Variants in CDH8 observed in about 807,000 individuals in gnomAD.
The protein encoded by CDH8 is cadherin 8.
In CDH8, 17 loss-of-function variants were observed where a neutral mutation model predicts 68.1. The observed-to-expected ratio is 0.25, with a 90% confidence interval of 0.17 to 0.37. CDH8 has a LOEUF of 0.37. Among genes scored for constraint, CDH8 ranks in the 10% least tolerant of loss-of-function variants. The probability of loss-of-function intolerance (pLI) is 1.00; values close to 1 mark genes in which losing one functional copy is unlikely to be tolerated. For synonymous variants in CDH8, 372 were observed against 365.1 expected (o/e 1.02, Z -0.21); for missense variants, 763 against 999.3 (o/e 0.76, Z 3.19).
chr16:61,678,146 C>A (rs1963948530), intron 10 of CDH8, among the ~76,000 whole-genome samples: 1 of 152,034 alleles, frequency 6.6e-6, no homozygotes, highest in Non-Finnish European at 1.5e-5. Context: ...GCTCCCCAAC[C>A]AACACCCTTC....
chr16:61,843,607 T>A (rs1317960244), intron 4 of CDH8, among the ~76,000 whole-genome samples: 1 of 152,212 alleles, frequency 6.6e-6, no homozygotes, highest in East Asian at 1.9e-4. Flanking sequence ...TGCTTCAAAC[T>A]TGAATCCTCT....
At chr16:61,703,670 C>T (rs957350241) in intron 10 of CDH8, among the ~76,000 whole-genome samples, 2 of 152,058 alleles carry the variant, frequency 1.3e-5, no homozygotes, top group African/African-American at 4.8e-5. Context: ...GAAACGCCGT[C>T]TCTACCAAAA....
At chr16:61,885,054 A>G (rs1427718239) in intron 3 of CDH8, among the ~76,000 whole-genome samples, 1 of 152,228 alleles carries the variant, frequency 6.6e-6, no homozygotes, top group Non-Finnish European at 1.5e-5. Flanking sequence ...GATTCATTTA[A>G]ATGTCCTGTA....
At chr16:61,771,764 T>C (rs1364577568) in intron 8 of CDH8, among the ~76,000 whole-genome samples, 1 of 152,036 alleles carries the variant, frequency 6.6e-6, no homozygotes, top group Non-Finnish European at 1.5e-5. Flanking sequence ...CAGCTTTTTA[T>C]TGAATACTAT....
intron 10 of CDH8, among the ~76,000 whole-genome samples, chr16:61,675,627 TAA>T (rs201984187): frequency 6.9e-5 from 3 of 43,652 alleles, no homozygotes; most frequent in South Asian, 5.3e-4. Flanking sequence ...ATAAAAAAAA[TAA>T]AAAAAAATAA....
intron 2 of CDH8, among the ~76,000 whole-genome samples, chr16:61,904,055 G>A (rs1411196927): frequency 6.6e-6 from 1 of 151,924 alleles, no homozygotes; most frequent in African/African-American, 2.4e-5. Context: ...GATAATCTCA[G>A]AACACAATAT....
At chr16:62,005,470 G>T (rs1965959258) in intron 2 of CDH8, among the ~76,000 whole-genome samples, 1 of 149,760 alleles carries the variant, frequency 6.7e-6, no homozygotes, top group Non-Finnish European at 1.5e-5. Flanking sequence ...GGGTGCTGTG[G>T]CTCACGCCTG....
chr16:61,751,160 A>G (rs1229741698), intron 8 of CDH8, among the ~76,000 whole-genome samples: 2 of 152,042 alleles, frequency 1.3e-5, no homozygotes, highest in Non-Finnish European at 2.9e-5. Context: ...CTGAAGTCAA[A>G]CAATTAATAA....
At chr16:61,755,289 G>A (rs908174788) in intron 8 of CDH8, among the ~76,000 whole-genome samples, 6 of 152,056 alleles carry the variant, frequency 3.9e-5, no homozygotes, top group East Asian at 1.9e-4. Flanking sequence ...ATTAACATAC[G>A]GAATAATCAG....
chr16:61,885,630 A>G (rs1459029704), intron 3 of CDH8, among the ~76,000 whole-genome samples: 1 of 152,032 alleles, frequency 6.6e-6, no homozygotes, highest in Non-Finnish European at 1.5e-5. Context: ...CATATACATA[A>G]ACGTGTGGGA....
rs1385952323 is a variant in CDH8, at chr16:61,959,984, G to GTGTATATATATATATA, written c.253-58512_253-58511insTATATATATATATACA. ...GTATGTGGTGTATGTGTGTGTGTGT[G>GTGTATATATATATATA]TATATATATATATATATATATATAT... On this transcript the variant is annotated intron_variant, in intron 2 of 11. Transcript: ENST00000577390. Among the ~76,000 whole-genome samples, 38 of 44,530 alleles carry GTGTATATATATATATA rather than the reference G, an allele frequency of 8.5e-4. 1 individual carries two copies. Among genetic ancestry groups the GTGTATATATATATATA allele is most frequent in the East Asian group, 4.6e-3 (4 of 876 alleles). The allele number at this position is 44,530 out of a possible 152,430, so 29.2% of individuals were successfully genotyped here.
intron 2 of CDH8, among the ~76,000 whole-genome samples, chr16:61,988,389 G>C (rs965705237): frequency 2.6e-5 from 4 of 152,168 alleles, no homozygotes; most frequent in African/African-American, 7.2e-5. Context: ...TATTCACCTA[G>C]TGGCATATAC....
At chr16:61,738,400 C>T (rs891753370) in intron 8 of CDH8, among the ~76,000 whole-genome samples, 1 of 152,068 alleles carries the variant, frequency 6.6e-6, no homozygotes, top group African/African-American at 2.4e-5. Context: ...TCCTACGTAT[C>T]TACAATGAAC....
At chr16:61,921,856 C>T (rs1171459752) in intron 2 of CDH8, among the ~76,000 whole-genome samples, 1 of 152,096 alleles carries the variant, frequency 6.6e-6, no homozygotes, top group African/African-American at 2.4e-5. Flanking sequence ...ATGGTGAAAC[C>T]CCATCTCTAC....
intron 4 of CDH8, among the ~76,000 whole-genome samples, chr16:61,845,155 T>C (rs1029242068): frequency 2.0e-5 from 3 of 152,166 alleles, no homozygotes; most frequent in African/African-American, 7.2e-5. Context: ...GTCTTTTCTA[T>C]CATTATAATT....
At chr16:61,659,521 G>A (rs1249302646) in intron 10 of CDH8, among the ~76,000 whole-genome samples, 4 of 152,244 alleles carry the variant, frequency 2.6e-5, no homozygotes, top group Non-Finnish European at 4.4e-5. Flanking sequence ...TGGTCAAGAG[G>A]CAGGGACTCT....
At chr16:61,910,112 A>C (rs553812678) in intron 2 of CDH8, among the ~76,000 whole-genome samples, 1 of 152,304 alleles carries the variant, frequency 6.6e-6, no homozygotes, top group African/African-American at 2.4e-5. Flanking sequence ...ATTTTTATAT[A>C]AGAACCCACA....
intron 8 of CDH8, among the ~76,000 whole-genome samples, chr16:61,744,676 C>A (rs1295475639): frequency 6.6e-6 from 1 of 150,990 alleles, no homozygotes; most frequent in Non-Finnish European, 1.5e-5. Context: ...ATTCCATTTC[C>A]CCATTATTAT....
chr16:61,665,873 CTTTCT>C (rs1252663560), intron 10 of CDH8, among the ~76,000 whole-genome samples: 2 of 143,938 alleles, frequency 1.4e-5, no homozygotes, highest in South Asian at 2.4e-4. Context: ...TGCCTCTTTC[CTTTCT>C]TTTATTTCTT....
Sources: allele counts gnomAD v4.1 joint callset (sites outside exome capture counted in the v4.1 genomes callset), GRCh38; gene constraint gnomAD v4.1.1; transcripts MANE v1.5; gene names NCBI Gene and HGNC (gene_info 2026-07-23, HGNC 2026-07-21).